The following PREX2 variants were observed in gnomAD, a reference collection of about 807,000 sequenced individuals.
PREX2 encodes the protein phosphatidylinositol-3,4,5-trisphosphate dependent Rac exchange factor 2.
In PREX2, 107 loss-of-function variants were observed where a neutral mutation model predicts 203.2. That is an observed-to-expected ratio of 0.53 (90% CI 0.45 to 0.62). The LOEUF (loss-of-function observed/expected upper bound fraction) is 0.62. PREX2 is among the 20% of genes least tolerant of loss of function. The pLI, the probability that PREX2 is intolerant of heterozygous loss-of-function variation, is 0.00. For synonymous variants in PREX2, 672 were observed against 663.6 expected, an observed-to-expected ratio of 1.01 and a Z score of -0.19; for missense variants, 1,777 against 1,955.9, an observed-to-expected ratio of 0.91 and a Z score of 1.72.
intron 35 of PREX2, among the ~76,000 whole-genome samples, chr8:68,172,070 G>T (rs1358324534): frequency 6.6e-6 from 1 of 152,036 alleles, no homozygotes; most frequent in Non-Finnish European, 1.5e-5. Context: ...TTTAGGACTA[G>T]CTGTAAATCA....
chr8:68,151,484 T>C (rs1330231694), intron 34 of PREX2, among the ~76,000 whole-genome samples: 1 of 152,128 alleles, frequency 6.6e-6, no homozygotes, highest in Non-Finnish European at 1.5e-5. Flanking sequence ...TGTCATCTCT[T>C]TTTGTGGGCA....
At chr8:68,087,695 C>T in intron 18 of PREX2, 29 bp from the exon 19 acceptor site, 2 of 1,521,170 alleles carry the variant, frequency 1.3e-6, no homozygotes, top group Non-Finnish European at 1.8e-6. Context: ...TCTTACGCTT[C>T]ATCTTACCTT....
chr8:68,161,582 T>G (rs982836776), intron 35 of PREX2, among the ~76,000 whole-genome samples: 8 of 152,154 alleles, frequency 5.3e-5, no homozygotes, highest in Admixed American at 5.2e-4. Flanking sequence ...AGATCCATCT[T>G]CCGCAAACCT....
intron 1 of PREX2, among the ~76,000 whole-genome samples, chr8:67,984,839 A>G (rs543137664): frequency 6.6e-6 from 1 of 152,280 alleles, no homozygotes; most frequent in Admixed American, 6.5e-5. Flanking sequence ...AGAAGAGGAA[A>G]TGCTGAAGGT....
At chr8:68,087,574 T>C (rs1809731082) in intron 18 of PREX2, 150 bp from the exon 19 acceptor site, 6 of 663,106 alleles carry the variant, frequency 9.0e-6, no homozygotes, top group Admixed American at 4.3e-5. Context: ...TTGGGGACCA[T>C]GTTCGTCTCC....
intron 39 of PREX2, among the ~76,000 whole-genome samples, chr8:68,229,048 G>A (rs13281136): frequency 1.3e-5 from 2 of 151,534 alleles, no homozygotes; most frequent in Non-Finnish European, 2.9e-5. Context: ...TTTGTGAGAT[G>A]GGGAGAATTG....
chr8:68,143,437 G>C (rs1811265166), intron 33 of PREX2, among the ~76,000 whole-genome samples: 2 of 152,118 alleles, frequency 1.3e-5, no homozygotes, highest in Admixed American at 1.3e-4. Context: ...GAGCAGATGT[G>C]AGCATCTTGC....
chr8:68,225,446 A>C (rs908851124), intron 39 of PREX2, among the ~76,000 whole-genome samples: 1 of 152,194 alleles, frequency 6.6e-6, no homozygotes, highest in Admixed American at 6.5e-5. Flanking sequence ...GGAAAAGCTA[A>C]ATAATTTCTT....
chr8:67,985,915 G>A (rs1313353186), intron 1 of PREX2, among the ~76,000 whole-genome samples: 4 of 152,142 alleles, frequency 2.6e-5, no homozygotes, highest in Admixed American at 6.5e-5. Context: ...ATCAGACCAT[G>A]TGGTTTCTAG....
intron 11 of PREX2, among the ~76,000 whole-genome samples, chr8:68,067,489 A>T (rs1238740378): frequency 6.6e-6 from 1 of 151,616 alleles, no homozygotes; most frequent in Non-Finnish European, 1.5e-5. Flanking sequence ...GTTACATCTT[A>T]TTTTTTTATT....
chr8:68,204,113 C>A (rs1812562590), intron 37 of PREX2, among the ~76,000 whole-genome samples: 1 of 152,022 alleles, frequency 6.6e-6, no homozygotes, highest in African/African-American at 2.4e-5. Flanking sequence ...TGTGGAGAAG[C>A]AGATTCAAAC....
chr8:67,964,828 AT>A (rs1563473251), intron 1 of PREX2, among the ~76,000 whole-genome samples: 1 of 152,194 alleles, frequency 6.6e-6, no homozygotes, highest in African/African-American at 2.4e-5. Context: ...GCCTCGGATC[AT>A]TGTAAACTCA....
chr8:68,002,667 T>A (rs199923911), intron 1 of PREX2, among the ~76,000 whole-genome samples: 2 of 146,818 alleles, frequency 1.4e-5, no homozygotes, highest in Non-Finnish European at 3.0e-5. Flanking sequence ...TTCTTAATCA[T>A]TTTTTTTTTC....
At chr8:68,133,860 C>T (rs865787977) in intron 31 of PREX2, among the ~76,000 whole-genome samples, 199 bp from the exon 32 acceptor site, 28 of 152,024 alleles carry the variant, frequency 1.8e-4, no homozygotes, top group African/African-American at 5.3e-4. Flanking sequence ...ATATTTCTAA[C>T]GTTTTTTGGT....
intron 26 of PREX2, among the ~76,000 whole-genome samples, chr8:68,118,094 G>A (rs770309624): frequency 6.6e-6 from 1 of 152,130 alleles, no homozygotes; most frequent in Non-Finnish European, 1.5e-5. Context: ...GGTGGCTCAC[G>A]CCTGTAATCC....
chr8:67,978,147 T>C (rs1307148808), intron 1 of PREX2, among the ~76,000 whole-genome samples: 3 of 152,174 alleles, frequency 2.0e-5, no homozygotes, highest in Non-Finnish European at 2.9e-5. Context: ...TCTGTCCACC[T>C]GGTGTCCACT....
chr8:68,144,635 T>G (rs1367203577), intron 33 of PREX2, among the ~76,000 whole-genome samples: 1 of 152,136 alleles, frequency 6.6e-6, no homozygotes. Flanking sequence ...TCTCTTGTCT[T>G]GTTTTATTGC....
chr8:67,982,771 G>C (rs926160367), intron 1 of PREX2, among the ~76,000 whole-genome samples: 18 of 152,062 alleles, frequency 1.2e-4, no homozygotes, highest in African/African-American at 4.3e-4. Flanking sequence ...AAATTTTTCT[G>C]ACCCTCAAGA....
At chr8:68,174,503 G>A (rs1811941121) in intron 35 of PREX2, among the ~76,000 whole-genome samples, 1 of 152,066 alleles carries the variant, frequency 6.6e-6, no homozygotes, top group Non-Finnish European at 1.5e-5. Context: ...ATTTTAGTTA[G>A]AATGACATCC....
Sources: allele counts gnomAD v4.1 joint callset (sites outside exome capture counted in the v4.1 genomes callset), GRCh38; gene constraint gnomAD v4.1.1; transcripts MANE v1.5; gene names NCBI Gene and HGNC (gene_info 2026-07-23, HGNC 2026-07-21).